Variants in NECAB2 observed in about 807,000 individuals in gnomAD.
NECAB2 encodes N-terminal EF-hand calcium-binding protein 2.
Under a neutral mutation model 51.9 loss-of-function variants are expected in NECAB2, and 68 were observed. The observed-to-expected ratio is 1.31, with a 90% CI of 1.08 to 1.60. The LOEUF is 1.60. Among genes scored for constraint, NECAB2 ranks in the 40% most tolerant of loss-of-function variants. The pLI, the probability that NECAB2 is intolerant of heterozygous loss-of-function variation, is 0.00. For synonymous variants in NECAB2, 329 were observed against 203.5 expected, an observed-to-expected ratio of 1.62 and a Z score of -5.25; for missense variants, 854 against 490.3, an observed-to-expected ratio of 1.74 and a Z score of -7.00.
chr16:83,998,324 G>A lies in NECAB2; in HGVS notation c.962+7G>A. 1 of 1,612,694 alleles carries A rather than the reference G, an allele frequency of 6.2e-7. No individual in the cohort carries two copies. The highest frequency in any genetic ancestry group is 8.5e-7 in the Non-Finnish European group (1 of 1,179,590). On this transcript the variant is annotated splice_region_variant and intron_variant, in intron 10 of 12. Transcript: ENST00000305202. The stretch of plus-strand genomic sequence containing the variant: ...GCGTGAGGAACTGCTTCCAGTGAGT[G>A]AGCTGCCGAGGCGTGGGTGGGATGG...
At chr16:84,000,363 C>T (rs1392801155) in intron 10 of NECAB2, among the ~76,000 whole-genome samples, 1 of 98,688 alleles carries the variant, frequency 1.0e-5, no homozygotes, top group East Asian at 2.4e-4. Flanking sequence ...GACCCCATCT[C>T]TATTGGGACA....
Position 83,998,235 on chromosome 16 carries a change from G to C in NECAB2, c.880G>C (p.Val294Leu), listed in dbSNP as rs148944553. Reference protein sequence around the residue: ...HLQLVRQEMAVCPEQLSEFLD... With the variant: ...HLQLVRQEMALCPEQLSEFLD... ...GCAGCTGGTCCGGCAGGAGATGGCC[G>C]TGTGCCCCGAGCAACTGAGCGAGTT... Residue 294 changes from valine (V) to leucine (L), a missense_variant, in exon 10 of 13, where the codon GTG (valine) becomes CTG (leucine). Physicochemically the swap from Val to Leu is conservative, Grantham distance 32 (BLOSUM62 1). Transcript: ENST00000305202. The C allele has an allele frequency of 4.3e-6, 7 of 1,611,902 alleles. No individual in the cohort carries two copies. Among genetic ancestry groups the C allele is most frequent in the South Asian group, 3.3e-5 (3 of 91,066 alleles).
At chr16:83,973,832 G>T (rs1395133077) in intron 2 of NECAB2, among the ~76,000 whole-genome samples, 1 of 152,110 alleles carries the variant, frequency 6.6e-6, no homozygotes, top group Non-Finnish European at 1.5e-5. Flanking sequence ...AGGCTGTTGG[G>T]AATGCGTGTG....
At chr16:83,981,574 G>A (rs1329017745) in intron 5 of NECAB2, among the ~76,000 whole-genome samples, 1 of 152,124 alleles carries the variant, frequency 6.6e-6, no homozygotes, top group Non-Finnish European at 1.5e-5. Context: ...AACCCTATGG[G>A]TGGTTGCTGT....
intron 6 of NECAB2, chr16:83,993,462 G>A (rs980800274): frequency 1.3e-5 from 2 of 154,188 alleles, no homozygotes; most frequent in African/African-American, 2.4e-5. Flanking sequence ...AGCGGGTGTT[G>A]GGGCCGTGCA....
In NECAB2 at chr16:83,998,253, A is replaced by C. The variant is rs2084748476; in HGVS notation, c.898A>C (p.Ser300Arg). 1.2e-6 allele frequency: 2 copies of C among 1,612,872 alleles called. No homozygotes were observed. Among genetic ancestry groups the C allele is most frequent in the Non-Finnish European group, 1.7e-6 (2 of 1,180,010 alleles). The change falls in exon 10 of 13, where the codon AGC (serine) becomes CGC (arginine). Residue 300 changes from serine to arginine, a missense_variant. Ser to Arg is a moderately radical substitution (Grantham distance 110, BLOSUM62 -1). Transcript: ENST00000305202. Reference protein sequence around the residue: ...QEMAVCPEQLSEFLDSLRQYL... With the variant: ...QEMAVCPEQLREFLDSLRQYL... ...GATGGCCGTGTGCCCCGAGCAACTGAGCGAGTTTCTGGACTCTCTGCGCCA... is the reference window on the plus strand; with the variant it reads ...GATGGCCGTGTGCCCCGAGCAACTGCGCGAGTTTCTGGACTCTCTGCGCCA...
chr16:83,990,247 T>A (rs1197868053), intron 5 of NECAB2, among the ~76,000 whole-genome samples: 1 of 152,218 alleles, frequency 6.6e-6, no homozygotes, highest in African/African-American at 2.4e-5. Context: ...GACCCCATTA[T>A]ACTCTGGGAG....
At chr16:83,972,343 C>T (rs886806659) in intron 2 of NECAB2, among the ~76,000 whole-genome samples, 168 bp downstream of exon 2, 1 of 152,204 alleles carries the variant, frequency 6.6e-6, no homozygotes, top group African/African-American at 2.4e-5. Flanking sequence ...CCTTGACCTC[C>T]CTGTCTGTAA....
At chr16:83,996,083 C>G (rs900893761) in intron 8 of NECAB2, among the ~76,000 whole-genome samples, 6 of 152,200 alleles carry the variant, frequency 3.9e-5, no homozygotes, top group African/African-American at 1.4e-4. Flanking sequence ...TGGCTTCAGG[C>G]CCCGCCCTTC....
intron 1 of NECAB2, among the ~76,000 whole-genome samples, chr16:83,969,113 G>C (rs1444207114): frequency 6.6e-6 from 1 of 151,118 alleles, no homozygotes; most frequent in African/African-American, 2.4e-5. Flanking sequence ...CCTGCCCACA[G>C]TGGGGAGCCG....
At chr16:83,984,351 T>G (rs965176311) in intron 5 of NECAB2, among the ~76,000 whole-genome samples, 2 of 151,822 alleles carry the variant, frequency 1.3e-5, no homozygotes, top group Non-Finnish European at 2.9e-5. Flanking sequence ...CAGTCATGCA[T>G]GGAATGTTTT....
At chr16:83,973,687 A>G (rs2084372604) in intron 2 of NECAB2, among the ~76,000 whole-genome samples, 1 of 152,042 alleles carries the variant, frequency 6.6e-6, no homozygotes, top group Non-Finnish European at 1.5e-5. Context: ...GTTGAGAGGT[A>G]GGGATTTGGG....
rs548802670 is a variant in NECAB2 at position 83,996,878 on chromosome 16, C to G, written c.796-338C>G. On this transcript the variant is annotated intron_variant, in intron 8 of 12. Coordinates refer to ENST00000305202, the MANE Select transcript of NECAB2 (RefSeq NM_019065.3). ...GAGAGAACAGTTCACCCCATTAGAT[C>G]CCTGAGGTGCTGGGGGTTATGATTT... Among the ~76,000 whole-genome samples the G allele has an allele frequency of 2.8e-4, 43 of 152,222 alleles. No individual in the cohort carries two copies. The South Asian group carries it at 3.3e-3, about 12-fold the overall frequency.
At chr16:83,994,553 C>T in intron 7 of NECAB2, 56 bp from the exon 8 acceptor site, 1 of 1,609,012 alleles carries the variant, frequency 6.2e-7, no homozygotes, top group Non-Finnish European at 8.5e-7. Flanking sequence ...CAGCTTCCCC[C>T]CGAAGCCCTC....
chr16:83,968,191 G>A (rs2084309671), upstream of NECAB2, among the ~76,000 whole-genome samples: 1 of 151,506 alleles, frequency 6.6e-6, no homozygotes, highest in Admixed American at 6.6e-5. Context: ...CCGCTCCCCG[G>A]GGCTGGAGCC....
chr16:83,965,450 G>A (rs1350216111), upstream of NECAB2: 3 of 1,598,104 alleles, frequency 1.9e-6, no homozygotes, highest in East Asian at 2.2e-5. Context: ...CATCATTGGC[G>A]CGGGGCTGTC....
chr16:83,980,788 G>A, intron 3 of NECAB2, 51 bp from the exon 4 acceptor site: 1 of 1,550,734 alleles, frequency 6.4e-7, no homozygotes, highest in Non-Finnish European at 8.7e-7. Flanking sequence ...GGTCAGGCCT[G>A]CTAACCCCCT....
In NECAB2 at chr16:83,968,793, GC is replaced by G. The variant is rs1358175440; in HGVS notation, c.150del (p.Ala51ArgfsTer90). 2.7e-6 allele frequency: 3 copies of G among 1,116,788 alleles called. No homozygotes were observed. The highest frequency in any genetic ancestry group is 5.0e-5 in the Admixed American group (1 of 19,882). 69.2% of individuals were successfully genotyped at this position (1,116,788 alleles called of 1,614,324 possible). ...GEPRESLAPA[A>X]PADPGPASPR... ...GCCCCGGGAGTCGCTGGCCCCCGCC[GC>G]CCCCGCGGACCCCGGCCCAGCCTCG... On this transcript the variant is annotated frameshift_variant, in exon 1 of 13. Coordinates refer to ENST00000305202, the MANE Select transcript of NECAB2 (RefSeq NM_019065.3). LOFTEE classifies it high-confidence loss of function.
At chr16:84,002,038 G>A in intron 12 of NECAB2, 122 bp downstream of exon 12, 2 of 1,175,888 alleles carry the variant, frequency 1.7e-6, no homozygotes, top group Non-Finnish European at 2.4e-6. Flanking sequence ...GTCAGCTCCT[G>A]CCACCAATGC....
Sources: gnomAD v4.1 joint callset for allele counts (sites outside exome capture counted in the v4.1 genomes callset) on GRCh38, gnomAD v4.1.1 for gene constraint, MANE v1.5 for transcripts, NCBI Gene and HGNC (gene_info 2026-07-23, HGNC 2026-07-21) for gene names.